The following TTBK2 variants were observed in gnomAD, a reference collection of about 807,000 sequenced individuals.
TTBK2 encodes the protein tau-tubulin kinase 2.
TTBK2 carries 28 observed loss-of-function variants against 110.8 expected under a neutral mutation model. The ratio of observed to expected loss-of-function variants is 0.25; its 90% CI spans 0.19 to 0.35. The LOEUF (loss-of-function observed/expected upper bound fraction) is 0.35. Among genes scored for constraint, TTBK2 ranks in the 10% least tolerant of loss-of-function variants. The probability of loss-of-function intolerance (pLI) is 1.00; values close to 1 mark genes in which losing one functional copy is unlikely to be tolerated. For missense variants in TTBK2, 1,369 were observed against 1,500.3 expected (o/e 0.91, Z 1.45); for synonymous variants, 532 against 527.3 (o/e 1.01, Z -0.12).
intron 13 of TTBK2, among the ~76,000 whole-genome samples, chr15:42,763,172 A>ACG (rs1889147489): frequency 7.0e-5 from 1 of 14,326 alleles, no homozygotes; most frequent in African/African-American, 3.4e-4. Context: ...ATATATATAT[A>ACG]TATATATATA....
At chr15:42,834,832 G>A (rs1395191575) in intron 4 of TTBK2, among the ~76,000 whole-genome samples, 9 of 152,138 alleles carry the variant, frequency 5.9e-5, no homozygotes, top group South Asian at 4.1e-4. Context: ...AGCCAAGATC[G>A]TGCCACTGCA....
chr15:42,758,981 A>G (rs4924696), intron 13 of TTBK2, among the ~76,000 whole-genome samples: 135,105 of 152,230 alleles, frequency 0.89, 60,273 homozygotes, highest in African/African-American at 0.97. Flanking sequence ...CCACAGCTTA[A>G]TGCCACCCTA....
At chr15:42,812,279 G>A (rs771263155) in intron 7 of TTBK2, among the ~76,000 whole-genome samples, 6 of 150,048 alleles carry the variant, frequency 4.0e-5, no homozygotes, top group African/African-American at 7.4e-5. Context: ...GGTTACATCC[G>A]TAGTGCAGTA....
intron 4 of TTBK2, among the ~76,000 whole-genome samples, chr15:42,830,468 A>G (rs1031766714): frequency 1.3e-5 from 2 of 151,954 alleles, no homozygotes; most frequent in Admixed American, 1.3e-4. Context: ...GATTACAGGC[A>G]TGAACCACTG....
chr15:42,821,559 T>C (rs1892296785), intron 6 of TTBK2, among the ~76,000 whole-genome samples: 1 of 152,148 alleles, frequency 6.6e-6, no homozygotes, highest in Non-Finnish European at 1.5e-5. Context: ...TTTGAGTCAA[T>C]CCCTCCCACC....
chr15:42,874,997 A>C (rs962709394), intron 2 of TTBK2, among the ~76,000 whole-genome samples: 4 of 151,892 alleles, frequency 2.6e-5, no homozygotes, highest in East Asian at 3.9e-4. Flanking sequence ...AAAAAAAAAA[A>C]ATTGATACTT....
rs746735760 is a variant in TTBK2 at position 42,745,863 on chromosome 15, G to A, written c.3667C>T (p.His1223Tyr). The part of the protein sequence containing the change: ...KNGLKGSGSL[H>Y]HHSASTKTPQ... Reference sequence around the variant, plus strand: ...GTTTTAGTGCTGGCTGAGTGGTGGTGGAGGCTGCCGGATCCTTTCAGGCCA... The same window carrying A: ...GTTTTAGTGCTGGCTGAGTGGTGGTAGAGGCTGCCGGATCCTTTCAGGCCA... Residue 1223 changes from histidine (H) to tyrosine (Y), a missense_variant, in exon 15 of 15, where the codon CAC becomes TAC. This residue lies in a region of TTBK2 where 1,097 missense variants were observed against 1,114.7 expected (regional missense o/e 0.98). Transcript: ENST00000267890. The A allele has an allele frequency of 5.0e-6, 8 of 1,614,048 alleles. No individual in the cohort carries two copies. The highest frequency in any genetic ancestry group is 6.8e-6 in the Non-Finnish European group (8 of 1,180,044).
rs2061749486 is a variant in TTBK2, at chr15:42,741,274, T to TC, written c.*4520dup. The TC allele has an allele frequency of 6.6e-6, 1 of 152,218 alleles. No individual in the cohort carries two copies. Among genetic ancestry groups the TC allele is most frequent in the Admixed American group, 6.5e-5 (1 of 15,280 alleles). The allele number at this position is 152,218 out of a possible 1,614,324, so 9.4% of individuals were successfully genotyped here. On this transcript the variant is annotated 3_prime_UTR_variant, in exon 15 of 15. Coordinates refer to ENST00000267890, the MANE Select transcript of TTBK2 (RefSeq NM_173500.4). ...CCCTCTGAGGGTTTTCATGCATTAA[T>TC]CCCGCCATATGGGCTGATGGTTGGA...
intron 12 of TTBK2, among the ~76,000 whole-genome samples, chr15:42,775,944 T>A (rs1889902840): frequency 6.6e-6 from 1 of 152,146 alleles, no homozygotes; most frequent in Non-Finnish European, 1.5e-5. Context: ...CCTTTTTAGT[T>A]CCCTTATTTT....
chr15:42,899,674 A>C (rs545694376), intron 1 of TTBK2, among the ~76,000 whole-genome samples: 2 of 152,124 alleles, frequency 1.3e-5, no homozygotes, highest in African/African-American at 4.8e-5. Context: ...CAGGAGGCGG[A>C]GGTTGCAGTG....
At chr15:42,842,301 C>T (rs974112018) in intron 3 of TTBK2, among the ~76,000 whole-genome samples, 1 of 152,034 alleles carries the variant, frequency 6.6e-6, no homozygotes, top group Non-Finnish European at 1.5e-5. Flanking sequence ...ATCACAGAAA[C>T]CAAGGGAGAA....
intron 1 of TTBK2, among the ~76,000 whole-genome samples, chr15:42,890,921 T>C (rs985574171): frequency 1.3e-5 from 2 of 152,126 alleles, no homozygotes; most frequent in Non-Finnish European, 2.9e-5. Flanking sequence ...CAGGATGGAG[T>C]GCACTGGCGC....
intron 13 of TTBK2, among the ~76,000 whole-genome samples, chr15:42,767,352 T>C (rs1258084424): frequency 6.6e-6 from 1 of 151,654 alleles, no homozygotes; most frequent in African/African-American, 2.4e-5. Context: ...ATCAACAAAA[T>C]TGAAAGACCG....
intron 10 of TTBK2, among the ~76,000 whole-genome samples, chr15:42,788,291 A>ATGTTTG (rs1491381368): frequency 6.6e-6 from 1 of 152,148 alleles, no homozygotes; most frequent in East Asian, 1.9e-4. Context: ...AACTACTTAC[A>ATGTTTG]TGTTTGTTTG....
At chr15:42,814,381 C>A (rs370887059) in intron 7 of TTBK2, among the ~76,000 whole-genome samples, 107 of 152,088 alleles carry the variant, frequency 7.0e-4, no homozygotes, top group African/African-American at 2.5e-3. Flanking sequence ...GAGTTTGAGA[C>A]CAGCTTGGGC....
chr15:42,807,792 T>C (rs1891536886), intron 9 of TTBK2, among the ~76,000 whole-genome samples: 2 of 152,182 alleles, frequency 1.3e-5, no homozygotes, highest in South Asian at 2.1e-4. Flanking sequence ...ACAATATTTA[T>C]AGGAACATAT....
In TTBK2 at chr15:42,830,027, T is replaced by C. The variant is rs1272913117; in HGVS notation, c.343A>G (p.Ile115Val). Residue 115 changes from isoleucine to valine, a missense_variant, in exon 5 of 15, where the codon ATT becomes GTT. Physicochemically the swap from Ile to Val is conservative, Grantham distance 29. Around this residue, in one of 4 missense-constraint regions of TTBK2, gnomAD observed 122 missense variants for 159.7 expected, o/e 0.76. Coordinates refer to ENST00000267890, the MANE Select transcript of TTBK2 (RefSeq NM_173500.4). ...CTACCCAGCCGGAGAGTGGTACTAA[T>C]GGTGAATGTGCCTCGGGACTGGCTA... ...RRSQSRGTFT[I>V]STTLRLGRQI... 6.2e-7 allele frequency: 1 copy of C among 1,614,116 alleles called. No individual in the cohort carries two copies. Among genetic ancestry groups the C allele is most frequent in the Admixed American group, 1.7e-5 (1 of 60,010 alleles).
At chr15:42,810,841 A>G in intron 8 of TTBK2, 102 bp from the exon 9 acceptor site, 1 of 1,328,162 alleles carries the variant, frequency 7.5e-7, no homozygotes. Flanking sequence ...AGGGAATGAG[A>G]TAGTGGGTAA....
intron 13 of TTBK2, among the ~76,000 whole-genome samples, chr15:42,770,988 C>T (rs6493064): frequency 0.44 from 50,364 of 115,162 alleles, 11,551 homozygotes; most frequent in African/African-American, 0.73. Context: ...TTTTTTTTTT[C>T]TTTGACACAG....
Sources: gnomAD v4.1 joint callset for allele counts (sites outside exome capture counted in the v4.1 genomes callset) on GRCh38, gnomAD v4.1.1 for gene constraint, gnomAD v4.1.1 regional missense constraint, MANE v1.5 for transcripts, NCBI Gene and HGNC (gene_info 2026-07-23, HGNC 2026-07-21) for gene names.